NRXN3: variants seen among roughly 807,000 people sequenced by gnomAD.
The protein encoded by NRXN3 is neurexin 3.
In NRXN3, 32 loss-of-function variants were observed where a neutral mutation model predicts 137.6. The observed-to-expected ratio is 0.23, with a 90% confidence interval of 0.18 to 0.31. NRXN3 has a LOEUF of 0.31. Among genes scored for constraint, NRXN3 ranks in the 10% least tolerant of loss-of-function variants. NRXN3 has a pLI of 1.00. For synonymous variants in NRXN3, 798 were observed against 784.5 expected, an observed-to-expected ratio of 1.02 and a Z score of -0.29; for missense variants, 1,574 against 2,062.5, an observed-to-expected ratio of 0.76 and a Z score of 4.59.
intron 15 of NRXN3, among the ~76,000 whole-genome samples, chr14:79,404,566 T>C (rs1229834291): frequency 1.3e-5 from 2 of 152,090 alleles, no homozygotes; most frequent in Admixed American, 1.3e-4. Flanking sequence ...GGTTTTGAGT[T>C]TCTCTAAGAA....
chr14:78,454,628 CA>C (rs2094638754), intron 4 of NRXN3, among the ~76,000 whole-genome samples: 2 of 152,180 alleles, frequency 1.3e-5, no homozygotes, highest in Non-Finnish European at 2.9e-5. Flanking sequence ...ACAGAATAGA[CA>C]GTCAATAAAT....
chr14:79,808,632 A>G (rs1168541610), intron 20 of NRXN3, among the ~76,000 whole-genome samples: 1 of 152,008 alleles, frequency 6.6e-6, no homozygotes, highest in Non-Finnish European at 1.5e-5. Flanking sequence ...CAGCGAGTTT[A>G]TTATTTTCTA....
intron 4 of NRXN3, among the ~76,000 whole-genome samples, chr14:78,589,122 G>A (rs1412710570): frequency 6.6e-6 from 1 of 152,164 alleles, no homozygotes; most frequent in African/African-American, 2.4e-5. Context: ...AAGGACTGGG[G>A]TCTCCAGATC....
At chr14:78,233,839 T>C (rs1312726799) in intron 1 of NRXN3, among the ~76,000 whole-genome samples, 2 of 152,168 alleles carry the variant, frequency 1.3e-5, no homozygotes, top group Non-Finnish European at 2.9e-5. Flanking sequence ...TCTGTGACAC[T>C]GGAATGAAAT....
intron 20 of NRXN3, among the ~76,000 whole-genome samples, chr14:79,830,656 C>T (rs958496136): frequency 1.3e-5 from 2 of 152,106 alleles, no homozygotes; most frequent in Non-Finnish European, 2.9e-5. Context: ...TCAATGGCAC[C>T]GATTCACCCA....
chr14:79,305,711 T>G (rs1028704445), intron 15 of NRXN3, among the ~76,000 whole-genome samples: 2 of 152,120 alleles, frequency 1.3e-5, no homozygotes, highest in Non-Finnish European at 2.9e-5. Flanking sequence ...TTTTTGTGAC[T>G]GTTTCAAAGA....
At chr14:79,487,557 T>C (rs1270293042) in intron 16 of NRXN3, among the ~76,000 whole-genome samples, 1 of 152,160 alleles carries the variant, frequency 6.6e-6, no homozygotes, top group Non-Finnish European at 1.5e-5. Flanking sequence ...ATGGTTTCCT[T>C]TTTCTTCCTG....
intron 4 of NRXN3, among the ~76,000 whole-genome samples, chr14:78,480,822 A>G (rs946594377): frequency 2.0e-5 from 3 of 152,196 alleles, no homozygotes; most frequent in Non-Finnish European, 4.4e-5. Flanking sequence ...GACCAGGTCA[A>G]GTTTGCATTT....
chr14:79,749,854 G>A (rs923636296), intron 19 of NRXN3, among the ~76,000 whole-genome samples: 8 of 151,980 alleles, frequency 5.3e-5, no homozygotes, highest in African/African-American at 1.9e-4. Context: ...GTTCATCACA[G>A]AATTTAAAGC....
chr14:78,910,170 G>C (rs1160470360), intron 10 of NRXN3, among the ~76,000 whole-genome samples: 1 of 152,050 alleles, frequency 6.6e-6, no homozygotes, highest in African/African-American at 2.4e-5. Flanking sequence ...GCCTTTCCAT[G>C]CTGTGGTGTG....
At position 78,225,425 on chromosome 14, in the gene NRXN3, TTG is replaced by T. The variant is rs2064417350; in HGVS notation, c.-703-16965_-703-16964del. Among the ~76,000 whole-genome samples, 72 of 152,334 alleles carry T rather than the reference TTG, an allele frequency of 4.7e-4. 2 individuals are homozygous for T. The South Asian group carries it at 0.013, about 29-fold the overall frequency. On this transcript the variant is annotated intron_variant, in intron 1 of 20. Transcript: ENST00000335750. ...TTTGAGAAGTGTCTGTTCATGTCCT[TTG>T]CCCACTTTTTGATGGGGTTGTTTGT...
chr14:79,394,543 T>C (rs1289501251), intron 15 of NRXN3, among the ~76,000 whole-genome samples: 3 of 152,194 alleles, frequency 2.0e-5, no homozygotes, highest in African/African-American at 7.2e-5. Context: ...TGTTTACACA[T>C]ATTAGTTATC....
In NRXN3 at chr14:78,373,979, T is replaced by C. The variant is rs181474518; in HGVS notation, c.757+76119T>C. 9.0e-4 allele frequency among the ~76,000 whole-genome samples: 137 copies of C among 152,328 alleles called. No individual in the cohort carries two copies. In the Middle Eastern group the frequency reaches 0.02, roughly 23 times the overall value. On this transcript the variant is annotated intron_variant, in intron 4 of 20. Coordinates refer to ENST00000335750, the MANE Select transcript of NRXN3 (RefSeq NM_001330195.2). ...TTTTGTGCTTTAATTCAGTGTTAAG[T>C]GAGTTGTTGACTTTTTTGGTTTGTT...
chr14:79,717,049 C>T (rs2098826111), intron 19 of NRXN3, among the ~76,000 whole-genome samples: 2 of 152,138 alleles, frequency 1.3e-5, no homozygotes, highest in Admixed American at 1.3e-4. Context: ...GAAGACAAGG[C>T]TCTTTTTCCT....
At chr14:78,636,544 C>G (rs932800398) in intron 4 of NRXN3, among the ~76,000 whole-genome samples, 29 of 152,094 alleles carry the variant, frequency 1.9e-4, no homozygotes, top group African/African-American at 6.8e-4. Flanking sequence ...CCAAAATGAT[C>G]TCTTCTGGGG....
intron 18 of NRXN3, 25 bp from the exon 19 acceptor site, chr14:79,697,605 A>T: frequency 6.2e-7 from 1 of 1,602,068 alleles, no homozygotes; most frequent in South Asian, 1.1e-5. Context: ...GAGAATAATA[A>T]TGTTTCCTCC....
intron 16 of NRXN3, among the ~76,000 whole-genome samples, chr14:79,590,502 A>T (rs1274256612): frequency 6.6e-6 from 1 of 151,374 alleles, no homozygotes; most frequent in African/African-American, 2.4e-5. Flanking sequence ...TACATTAGCC[A>T]GTTACTTCTG....
chr14:78,926,654 T>G (rs2099293430), intron 10 of NRXN3, among the ~76,000 whole-genome samples: 1 of 92,268 alleles, frequency 1.1e-5, no homozygotes, highest in African/African-American at 3.9e-5. Context: ...ATATAATATA[T>G]ATATTTATTA....
intron 10 of NRXN3, among the ~76,000 whole-genome samples, chr14:78,920,206 C>T (rs534888208): frequency 6.6e-6 from 1 of 152,244 alleles, no homozygotes; most frequent in Admixed American, 6.5e-5. Flanking sequence ...CAATCTAGAG[C>T]CTGGCCTGCC....
Sources: gnomAD v4.1 joint callset for allele counts (sites outside exome capture counted in the v4.1 genomes callset) on GRCh38, gnomAD v4.1.1 for gene constraint, MANE v1.5 for transcripts, NCBI Gene and HGNC (gene_info 2026-07-23, HGNC 2026-07-21) for gene names.